The following DAB1 variants were observed in gnomAD, a reference collection of about 807,000 sequenced individuals.
DAB1 encodes the protein DAB adaptor protein 1, also known as disabled homolog 1.
A neutral mutation model predicts 64.6 loss-of-function variants in DAB1; 15 were observed. That is an observed-to-expected ratio of 0.23 (90% CI 0.16 to 0.36). The LOEUF (loss-of-function observed/expected upper bound fraction) is 0.36, where lower values mean the gene tolerates loss of function less well. Ranked by LOEUF, DAB1 falls within the 10% of genes least tolerant of loss-of-function variation. The pLI is 1.00. For missense variants in DAB1, 596 were observed against 706.7 expected, an observed-to-expected ratio of 0.84 and a Z score of 1.78; for synonymous variants, 235 against 251.9, an observed-to-expected ratio of 0.93 and a Z score of 0.64.
intron 3 of DAB1, among the ~76,000 whole-genome samples, chr1:58,491,481 A>C (rs1194754217): frequency 1.3e-5 from 2 of 152,214 alleles, no homozygotes; most frequent in Non-Finnish European, 2.9e-5. Flanking sequence ...AATTGGATAA[A>C]GAGTCAAGAC....
chr1:58,029,536 A>G (rs1646942268), intron 5 of DAB1, among the ~76,000 whole-genome samples: 1 of 152,246 alleles, frequency 6.6e-6, no homozygotes, highest in African/African-American at 2.4e-5. Context: ...GCCCACAGGC[A>G]CCATGTTAAT....
chr1:57,562,521 C>T (rs1432965035), intron 7 of DAB1, among the ~76,000 whole-genome samples: 1 of 152,174 alleles, frequency 6.6e-6, no homozygotes, highest in Non-Finnish European at 1.5e-5. Flanking sequence ...GTTACAATGC[C>T]AACTAGGTGA....
rs1447463627 is a variant in DAB1 at position 58,377,619 on chromosome 1, C to G, written n.258-34216G>C. ...TCTCTAGCTGCCCTTAACATTTTTT[C>G]CTTCATTTCAACTTTGGTGAATCTG... On this transcript the variant is annotated intron_variant and non_coding_transcript_variant, in intron 3 of 20. Coordinates refer to the DAB1 transcript ENST00000485760. 1.4e-5 allele frequency among the ~76,000 whole-genome samples: 2 copies of G among 138,532 alleles called. 1 individual carries two copies. 90.9% of individuals were successfully genotyped at this position (138,532 alleles called of 152,430 possible). A position where few individuals can be genotyped will look rare whatever the true frequency, so the allele number is the denominator to read the frequency against.
intron 3 of DAB1, among the ~76,000 whole-genome samples, chr1:58,500,593 A>G (rs971604155): frequency 2.5e-4 from 38 of 152,342 alleles, no homozygotes; most frequent in African/African-American, 7.9e-4. Context: ...TGAATTTGAT[A>G]AAGATTTTTT....
intron 7 of DAB1, among the ~76,000 whole-genome samples, chr1:57,645,472 G>A (rs1646181874): frequency 6.6e-6 from 1 of 152,156 alleles, no homozygotes; most frequent in Non-Finnish European, 1.5e-5. Flanking sequence ...TATAGAGTAG[G>A]AAAGAGTCTC....
intron 5 of DAB1, among the ~76,000 whole-genome samples, chr1:58,129,065 C>T (rs1390960121): frequency 2.8e-5 from 4 of 144,604 alleles, no homozygotes; most frequent in East Asian, 4.4e-4. Context: ...TGGTAGAATT[C>T]GGCTGTGAAT....
chr1:58,170,833 C>T (rs1656128201), intron 4 of DAB1, among the ~76,000 whole-genome samples: 1 of 152,276 alleles, frequency 6.6e-6, no homozygotes, highest in Admixed American at 6.5e-5. Flanking sequence ...AACAACAGGA[C>T]TGAGGATGCC....
chr1:57,698,106 G>T (rs541207873), intron 6 of DAB1, among the ~76,000 whole-genome samples: 6 of 145,692 alleles, frequency 4.1e-5, no homozygotes, highest in Admixed American at 6.9e-5. Context: ...TTTTTTTTTA[G>T]ACAGGGTCTT....
intron 7 of DAB1, among the ~76,000 whole-genome samples, chr1:57,605,514 G>A (rs1366134247): frequency 6.6e-6 from 1 of 152,164 alleles, no homozygotes; most frequent in Non-Finnish European, 1.5e-5. Context: ...TGGCACCAGA[G>A]AGAAAATACT....
At chr1:57,585,279 T>C (rs1274114835) in intron 7 of DAB1, among the ~76,000 whole-genome samples, 1 of 133,110 alleles carries the variant, frequency 7.5e-6, no homozygotes, top group Non-Finnish European at 1.6e-5. Flanking sequence ...AAAAAAAGAC[T>C]TACACCTTAG....
chr1:57,934,313 C>G (rs1431936897), intron 5 of DAB1, among the ~76,000 whole-genome samples: 1 of 152,072 alleles, frequency 6.6e-6, no homozygotes, highest in Non-Finnish European at 1.5e-5. Context: ...TAAAAGTTAT[C>G]TGAAAATAAT....
intron 6 of DAB1, among the ~76,000 whole-genome samples, chr1:57,802,144 C>T (rs747477083): frequency 7.2e-5 from 11 of 152,268 alleles, no homozygotes; most frequent in Admixed American, 1.3e-4. Context: ...AACATTTATT[C>T]GGTCACACCC....
intron 1 of DAB1, chr1:57,880,832 A>T (rs962194775): frequency 2.6e-5 from 4 of 152,234 alleles, no homozygotes; most frequent in African/African-American, 9.6e-5. Flanking sequence ...ATTGAAATCC[A>T]GTATCAAAAC....
exon 1 of DAB1, chr1:57,884,000 A>T (rs1644185611): frequency 6.6e-6 from 1 of 152,238 alleles, no homozygotes; most frequent in African/African-American, 2.4e-5. Flanking sequence ...TTTACTCACC[A>T]GTGTCCTAGA....
At chr1:58,003,371 T>A (rs2100410016) in intron 5 of DAB1, among the ~76,000 whole-genome samples, 1 of 152,318 alleles carries the variant, frequency 6.6e-6, no homozygotes, top group Admixed American at 6.5e-5. Flanking sequence ...TTTATGGAAA[T>A]CCAACTGACA....
intron 1 of DAB1, among the ~76,000 whole-genome samples, chr1:58,538,094 G>C (rs1392203533): frequency 6.6e-6 from 1 of 152,164 alleles, no homozygotes; most frequent in African/African-American, 2.4e-5. Flanking sequence ...AAACTGGTTT[G>C]GTTCATGTGG....
intron 5 of DAB1, among the ~76,000 whole-genome samples, chr1:58,122,164 C>T (rs1263756655): frequency 6.6e-6 from 1 of 152,142 alleles, no homozygotes; most frequent in African/African-American, 2.4e-5. Context: ...AAAAGTCTGG[C>T]AACATCTGGA....
At chr1:57,895,820 A>C (rs1471973801) in intron 5 of DAB1, among the ~76,000 whole-genome samples, 1 of 152,236 alleles carries the variant, frequency 6.6e-6, no homozygotes, top group Non-Finnish European at 1.5e-5. Flanking sequence ...TGCAAACACA[A>C]ATATGCATAC....
At chr1:57,546,127 T>G (rs1644854588) in intron 7 of DAB1, among the ~76,000 whole-genome samples, 1 of 149,888 alleles carries the variant, frequency 6.7e-6, no homozygotes, top group Non-Finnish European at 1.5e-5. Context: ...TTGTAGAAGT[T>G]GGGGGACAGA....
Sources: gnomAD v4.1 joint callset for allele counts (sites outside exome capture counted in the v4.1 genomes callset) on GRCh38, gnomAD v4.1.1 for gene constraint, MANE v1.5 for transcripts, NCBI Gene and HGNC (gene_info 2026-07-23, HGNC 2026-07-21) for gene names.